Variants in CAPS2 observed in about 807,000 individuals in gnomAD.
CAPS2 encodes calcyphosine 2, also known as calcyphosin-2.
CAPS2 carries 98 observed loss-of-function variants against 86.5 expected under a neutral mutation model. That is an observed-to-expected ratio of 1.13 (90% CI 0.96 to 1.34). The LOEUF (loss-of-function observed/expected upper bound fraction) is 1.34. Ranked by LOEUF, CAPS2 falls within the 40% of genes most tolerant of loss-of-function variation. The pLI is 0.00. For synonymous variants in CAPS2, 210 were observed against 225.1 expected, an observed-to-expected ratio of 0.93 and a Z score of 0.60; for missense variants, 729 against 686.8, an observed-to-expected ratio of 1.06 and a Z score of -0.69.
chr12:75,277,228 A>C (rs572903191), exon 17 of CAPS2: 2 of 919,608 alleles, frequency 2.2e-6, no homozygotes, highest in Non-Finnish European at 2.6e-6. Flanking sequence ...TTTTTTTTAC[A>C]GTATAACAGA....
intron 15 of CAPS2, among the ~76,000 whole-genome samples, chr12:75,283,323 C>T (rs1050430837): frequency 2.6e-5 from 4 of 152,182 alleles, no homozygotes; most frequent in Non-Finnish European, 5.9e-5. Context: ...TCTGGTTATT[C>T]ATAATATTGC....
chr12:75,302,675 G>C (rs920011371), intron 8 of CAPS2, among the ~76,000 whole-genome samples: 15 of 152,156 alleles, frequency 9.9e-5, no homozygotes, highest in African/African-American at 3.6e-4. Context: ...TCTAAAACAT[G>C]TAAATAAGAT....
intron 1 of CAPS2, among the ~76,000 whole-genome samples, chr12:75,337,188 T>A (rs2139245641): frequency 6.6e-6 from 1 of 151,868 alleles, no homozygotes; most frequent in Admixed American, 6.5e-5. Flanking sequence ...TTCTTTCAAC[T>A]CAAGAAGGTA....
chr12:75,299,869 A>G, exon 9 of CAPS2: 7 of 1,536,270 alleles, frequency 4.6e-6, no homozygotes, highest in Non-Finnish European at 5.3e-6. Context: ...ACTGTAATTT[A>G]TGAGAAAGCA....
chr12:75,320,697 T>C (rs1593515996), intron 5 of CAPS2, among the ~76,000 whole-genome samples: 2 of 151,968 alleles, frequency 1.3e-5, no homozygotes, highest in African/African-American at 4.8e-5. Context: ...GGAAACACAT[T>C]ACTCTTATAG....
intron 6 of CAPS2, among the ~76,000 whole-genome samples, chr12:75,313,830 A>G (rs1209841902): frequency 6.6e-6 from 1 of 152,240 alleles, no homozygotes; most frequent in Non-Finnish European, 1.5e-5. Context: ...GTCTAAAGAC[A>G]TATCATAAAA....
rs144691055 is a variant in CAPS2, at chr12:75,347,645, T to C, written c.-394-24423A>G. On this transcript the variant is annotated intron_variant, in intron 1 of 5. Coordinates refer to the CAPS2 transcript ENST00000551829. Reference sequence around the variant, plus strand: ...AGTTAGTTTGGGCCAATTCATTTTATGTCGGTTGTGCAGTTGCAATGTGTC... The same window carrying C: ...AGTTAGTTTGGGCCAATTCATTTTACGTCGGTTGTGCAGTTGCAATGTGTC... 7.8e-5 allele frequency: 125 copies of C among 1,609,710 alleles called. No individual in the cohort carries two copies. The African/African-American group carries it at 1.3e-3, about 16-fold the overall frequency.
chr12:75,357,215 G>C (rs896782511), intron 1 of CAPS2, among the ~76,000 whole-genome samples: 1 of 151,986 alleles, frequency 6.6e-6, no homozygotes, highest in African/African-American at 2.4e-5. Flanking sequence ...ATGCTGCACT[G>C]TTTACATTAG....
chr12:75,362,641 T>A (rs1224025512), intron 1 of CAPS2, among the ~76,000 whole-genome samples: 1 of 152,152 alleles, frequency 6.6e-6, no homozygotes, highest in Non-Finnish European at 1.5e-5. Context: ...TTGAAAAATT[T>A]ATGACTTATA....
In CAPS2 at chr12:75,364,233, C is replaced by T. The variant is rs150798535; in HGVS notation, c.-395+26605G>A. 1.7e-3 allele frequency among the ~76,000 whole-genome samples: 252 copies of T among 152,250 alleles called. 1 individual carries two copies. Among genetic ancestry groups the T allele is most frequent in the African/African-American group, 5.7e-3 (236 of 41,554 alleles). ...GTATAATGAGACATGTCTGACCTCC[C>T]CTTTCCCATCATGGCCTGAACTAGT... is the stretch of plus-strand genomic sequence containing the variant. On this transcript the variant is annotated intron_variant, in intron 1 of 5. Coordinates refer to the CAPS2 transcript ENST00000551829.
At chr12:75,298,533 C>G (rs1209465349) in intron 11 of CAPS2, 154 bp downstream of exon 11, 1 of 543,030 alleles carries the variant, frequency 1.8e-6, no homozygotes, top group Non-Finnish European at 3.2e-6. Context: ...AAGCTCCTGG[C>G]AAAACATCAA....
At chr12:75,385,913 G>C (rs1593959622) in intron 1 of CAPS2, among the ~76,000 whole-genome samples, 1 of 152,028 alleles carries the variant, frequency 6.6e-6, no homozygotes, top group East Asian at 1.9e-4. Context: ...ATCTGTATGA[G>C]GAACACTACA....
At chr12:75,291,525 C>CTATATA (rs2035892579) in intron 13 of CAPS2, among the ~76,000 whole-genome samples, 3 of 15,796 alleles carry the variant, frequency 1.9e-4, no homozygotes, top group African/African-American at 6.7e-4. Context: ...ATATATATAG[C>CTATATA]TTATTTTAAA....
chr12:75,320,042 A>G (rs1162957214), intron 5 of CAPS2, among the ~76,000 whole-genome samples: 2 of 152,162 alleles, frequency 1.3e-5, no homozygotes, highest in Admixed American at 1.3e-4. Flanking sequence ...CACTAAAAAC[A>G]TATTAAACTT....
intron 8 of CAPS2, among the ~76,000 whole-genome samples, chr12:75,303,233 G>A (rs1335958560): frequency 6.6e-6 from 1 of 152,128 alleles, no homozygotes. Flanking sequence ...CTAATGTTGG[G>A]TAAAAGAAGA....
chr12:75,312,697 C>A, intron 7 of CAPS2, 151 bp downstream of exon 7: 1 of 504,584 alleles, frequency 2.0e-6, no homozygotes, highest in Admixed American at 3.5e-5. Flanking sequence ...AAAAAAATGA[C>A]TAAAACACTA....
intron 1 of CAPS2, among the ~76,000 whole-genome samples, chr12:75,346,008 T>C (rs539136472): frequency 1.6e-4 from 24 of 152,242 alleles, no homozygotes; most frequent in Admixed American, 1.4e-3. Flanking sequence ...TAAGGGAAAA[T>C]TTTCTTGCAC....
At chr12:75,315,831 G>T (rs1479610044) in intron 6 of CAPS2, among the ~76,000 whole-genome samples, 6 of 151,984 alleles carry the variant, frequency 3.9e-5, no homozygotes, top group Non-Finnish European at 8.8e-5. Flanking sequence ...TGCCAGAACT[G>T]GTCTAAACCA....
chr12:75,377,071 T>C (rs2044689997), intron 1 of CAPS2, among the ~76,000 whole-genome samples: 1 of 152,212 alleles, frequency 6.6e-6, no homozygotes, highest in South Asian at 2.1e-4. Flanking sequence ...TCAAGAGCAT[T>C]GAATCAGGAG....
Sources: gnomAD v4.1 joint callset for allele counts (sites outside exome capture counted in the v4.1 genomes callset) on GRCh38, gnomAD v4.1.1 for gene constraint, MANE v1.5 for transcripts, NCBI Gene and HGNC (gene_info 2026-07-23, HGNC 2026-07-21) for gene names.